Variants in ZNF580 observed in about 807,000 individuals in gnomAD.
ZNF580 encodes zinc finger protein 580.
A neutral mutation model predicts 1.3 loss-of-function variants in ZNF580; 1 was observed. That is an observed-to-expected ratio of 0.77 (90% CI 0.27 to 3.65). The LOEUF (loss-of-function observed/expected upper bound fraction) is 3.65, where lower values mean the gene tolerates loss of function less well. ZNF580 is among the 30% of genes most tolerant of loss of function. The pLI is 0.19. For missense variants in ZNF580, 268 were observed against 272.3 expected (o/e 0.98, Z 0.11); for synonymous variants, 135 against 128.8 (o/e 1.05, Z -0.32).
rs2123632001 is a variant in ZNF580, at chr19:55,642,997, G to A, written c.489G>A (p.Ala163=). ...GCCCACGCCGCTTCCAGGACGCCGCGGAGCTGGCGCAGCACGTGCGCCTCC... is the reference window on the plus strand; with the variant it reads ...GCCCACGCCGCTTCCAGGACGCCGCAGAGCTGGCGCAGCACGTGCGCCTCC... ...PLCPRRFQDA[A]ELAQHVRLH is the part of the protein sequence containing the mutation. The change falls in exon 2 of 2, where the codon GCG becomes GCA. Residue 163 remains alanine, a synonymous_variant. Coordinates refer to ENST00000325333, the MANE Select transcript of ZNF580 (RefSeq NM_207115.2). The A allele has an allele frequency of 7.3e-7, 1 of 1,369,592 alleles. No homozygotes were observed. The highest frequency in any genetic ancestry group is 9.4e-7 in the Non-Finnish European group (1 of 1,061,524). 84.8% of individuals were successfully genotyped at this position (1,369,592 alleles called of 1,614,324 possible).
chr19:55,642,443 C>T, intron 1 of ZNF580, 54 bp from the exon 2 acceptor site: 1 of 1,395,672 alleles, frequency 7.2e-7, no homozygotes, highest in Non-Finnish European at 9.3e-7. Flanking sequence ...TTTTAGGAAA[C>T]TTTTCCTAAA....
intron 1 of ZNF580, 64 bp downstream of exon 1, chr19:55,641,247 G>A (rs1408756061): frequency 2.1e-6 from 2 of 961,930 alleles, no homozygotes; most frequent in Non-Finnish European, 2.5e-6. Context: ...AGGCAGGCTG[G>A]GGGAGTGCGC....
chr19:55,643,184 T>C lies in ZNF580; in HGVS notation c.*157T>C, dbSNP rs1982640623. On this transcript the variant is annotated 3_prime_UTR_variant, in exon 2 of 2. Transcript: ENST00000325333. ...CACCTTCCAAAGGGAGGAGCATCAT[T>C]CCTTCCTTACCCCCTTTCTAGCTGT... 1 of 1,194,790 alleles carries C rather than the reference T, an allele frequency of 8.4e-7. No individual in the cohort carries two copies. Among genetic ancestry groups the C allele is most frequent in the African/African-American group, 1.6e-5 (1 of 62,760 alleles). The allele number at this position is 1,194,790 out of a possible 1,614,324, so 74.0% of individuals were successfully genotyped here. A position where few individuals can be genotyped will look rare whatever the true frequency, so the allele number is the denominator to read the frequency against.
In ZNF580 at chr19:55,642,700, A is replaced by G; in HGVS notation, c.192A>G (p.Thr64=). ...LLIDANGVPY[T]YTVQLEEEPR... ...TCGACGCCAATGGGGTCCCCTACACATACACGGTGCAGCTGGAGGAGGAGC... is the reference window on the plus strand; with the variant it reads ...TCGACGCCAATGGGGTCCCCTACACGTACACGGTGCAGCTGGAGGAGGAGC... The change falls in exon 2 of 2, where the codon ACA becomes ACG. Residue 64 remains threonine, a synonymous_variant. Transcript: ENST00000325333. 3 of 1,486,412 alleles carry G rather than the reference A, an allele frequency of 2.0e-6. No individual in the cohort carries two copies. Among genetic ancestry groups the G allele is most frequent in the Admixed American group, 2.4e-5 (1 of 41,914 alleles). The allele number at this position is 1,486,412 out of a possible 1,614,324, so 92.1% of individuals were successfully genotyped here. A position where few individuals can be genotyped will look rare whatever the true frequency, so the allele number is the denominator to read the frequency against.
In ZNF580 at chr19:55,643,317, A is replaced by C. The variant is rs112535155; in HGVS notation, c.*290A>C. 5.1e-6 allele frequency: 2 copies of C among 388,724 alleles called. No individual in the cohort carries two copies. The highest frequency in any genetic ancestry group is 2.1e-5 in the African/African-American group (1 of 47,890). 24.1% of individuals were successfully genotyped at this position (388,724 alleles called of 1,614,324 possible). The stretch of plus-strand genomic sequence containing the variant: ...CCTGTGCAAGTGACATGACCTCTCT[A>C]AACCTTGGTTTTCTGCTCTCTGGAG... On this transcript the variant is annotated 3_prime_UTR_variant, in exon 2 of 2. Coordinates refer to ENST00000325333, the MANE Select transcript of ZNF580 (RefSeq NM_207115.2).
chr19:55,641,349 A>T (rs1210968269), intron 1 of ZNF580, among the ~76,000 whole-genome samples, 166 bp downstream of exon 1: 1 of 151,960 alleles, frequency 6.6e-6, no homozygotes, highest in Non-Finnish European at 1.5e-5. Flanking sequence ...CTCCTTGGGG[A>T]AGTGAAGGCA....
Position 55,643,060 on chromosome 19 carries a change from C to A in ZNF580, c.*33C>A. ...ACCCGGCCTGTGCTGCCCTGCCCGT[C>A]TCAGGGCCACCAAGTCTGACCCACA... On this transcript the variant is annotated 3_prime_UTR_variant, in exon 2 of 2. Coordinates refer to ENST00000325333, the MANE Select transcript of ZNF580 (RefSeq NM_207115.2). 7.5e-7 allele frequency: 1 copy of A among 1,341,232 alleles called. No individual in the cohort carries two copies. The highest frequency in any genetic ancestry group is 9.6e-7 in the Non-Finnish European group (1 of 1,043,984). The allele number at this position is 1,341,232 out of a possible 1,614,324, so 83.1% of individuals were successfully genotyped here.
At position 55,642,346 on chromosome 19, in the gene ZNF580, G is replaced by A. The variant is rs914493249; in HGVS notation, c.-12-151G>A. ...CAGCTTGATGGAACGTGGGAGAGCC[G>A]GGCTGGAGTCACAGTTTTTATTTTG... is the stretch of plus-strand genomic sequence containing the variant. On this transcript the variant is annotated intron_variant, in intron 1 of 1. Transcript: ENST00000325333. 3 of 1,268,946 alleles carry A rather than the reference G, an allele frequency of 2.4e-6. No homozygotes were observed. In the Admixed American group the frequency reaches 1.3e-4, roughly 53 times the overall value. The allele number at this position is 1,268,946 out of a possible 1,614,324, so 78.6% of individuals were successfully genotyped here.
chr19:55,642,884 G>A lies in ZNF580; in HGVS notation c.376G>A (p.Gly126Ser). 6.4e-7 allele frequency: 1 copy of A among 1,563,618 alleles called. No individual in the cohort carries two copies. Among genetic ancestry groups the A allele is most frequent in the Non-Finnish European group, 8.6e-7 (1 of 1,163,276 alleles). The change falls in exon 2 of 2, where the codon GGC (glycine) becomes AGC (serine). Residue 126 changes from glycine (G) to serine (S), a missense_variant. Gly to Ser is a moderately conservative substitution (Grantham distance 56). This residue lies in a region of ZNF580 where 225 missense variants were observed against 201.7 expected (regional missense o/e 1.12). Coordinates refer to ENST00000325333, the MANE Select transcript of ZNF580 (RefSeq NM_207115.2). ...DLKPFTCGAC[G>S]KAFKRSSHLS... The stretch of plus-strand genomic sequence containing the variant: ...CAAGCCCTTCACGTGCGGCGCCTGC[G>A]GCAAGGCCTTCAAGCGCTCCAGCCA...
intron 1 of ZNF580, 38 bp downstream of exon 1, chr19:55,641,221 G>A: frequency 1.0e-6 from 1 of 980,996 alleles, no homozygotes; most frequent in Non-Finnish European, 1.2e-6. Flanking sequence ...CCTGGCCCTG[G>A]GACGACGCCG....
At chr19:55,642,460 T>A (rs1982567185) in intron 1 of ZNF580, 37 bp from the exon 2 acceptor site, 2 of 1,396,600 alleles carry the variant, frequency 1.4e-6, no homozygotes, top group South Asian at 1.8e-5. Flanking sequence ...TAAAAGGAAG[T>A]GGCAATTTTA....
At position 55,641,027 on chromosome 19, in the gene ZNF580, C is replaced by T. The variant is rs1433020250; in HGVS notation, c.-169C>T. The T allele has an allele frequency of 1.0e-6, 1 of 985,192 alleles. No individual in the cohort carries two copies. Among genetic ancestry groups the T allele is most frequent in the African/African-American group, 1.7e-5 (1 of 57,238 alleles). 61.0% of individuals were successfully genotyped at this position (985,192 alleles called of 1,614,324 possible). A position where few individuals can be genotyped will look rare whatever the true frequency, so the allele number is the denominator to read the frequency against. On this transcript the variant is annotated 5_prime_UTR_variant, in exon 1 of 2. Transcript: ENST00000325333. The stretch of plus-strand genomic sequence containing the variant: ...GCCTTTTCCCAGGGACTCCGCCAAC[C>T]CCTCGCACCCCCGCGCCCCCAGTCC...
rs1158486888 is a variant in ZNF580, at chr19:55,642,832, G to A, written c.324G>A (p.Gln108=). ...TCTTTGCCAGCCCTCTGCGGCTGCA[G>A]AGCCACCGCGTGTCGCACTCGGACC... ...ARVFASPLRL[Q]SHRVSHSDLK... The change falls in exon 2 of 2, where the codon CAG becomes CAA. Residue 108 remains glutamine, a synonymous_variant. Transcript: ENST00000325333. 5.1e-6 allele frequency: 8 copies of A among 1,574,670 alleles called. No individual in the cohort carries two copies. Among genetic ancestry groups the A allele is most frequent in the Non-Finnish European group, 6.0e-6 (7 of 1,168,788 alleles).
Position 55,642,996 on chromosome 19 carries a change from C to T in ZNF580, c.488C>T (p.Ala163Val). ...TGCCCACGCCGCTTCCAGGACGCCGCGGAGCTGGCGCAGCACGTGCGCCTC... is the reference window on the plus strand; with the variant it reads ...TGCCCACGCCGCTTCCAGGACGCCGTGGAGCTGGCGCAGCACGTGCGCCTC... The part of the protein sequence containing the change: ...PLCPRRFQDA[A>V]ELAQHVRLH The change falls in exon 2 of 2, where the codon GCG becomes GTG. Residue 163 changes from alanine to valine, a missense_variant. Coordinates refer to ENST00000325333, the MANE Select transcript of ZNF580 (RefSeq NM_207115.2). 1 of 1,369,276 alleles carries T rather than the reference C, an allele frequency of 7.3e-7. No individual in the cohort carries two copies. Among genetic ancestry groups the T allele is most frequent in the Non-Finnish European group, 9.4e-7 (1 of 1,061,326 alleles). The allele number at this position is 1,369,276 out of a possible 1,614,324, so 84.8% of individuals were successfully genotyped here.
At chr19:55,641,226 A>T (rs1982447089) in intron 1 of ZNF580, 43 bp downstream of exon 1, 1 of 968,322 alleles carries the variant, frequency 1.0e-6, no homozygotes, top group African/African-American at 1.8e-5. Context: ...CCCTGGGACG[A>T]CGCCGGGGCC....
At chr19:55,641,535 A>G (rs1273550054) in intron 1 of ZNF580, among the ~76,000 whole-genome samples, 1 of 152,102 alleles carries the variant, frequency 6.6e-6, no homozygotes, top group African/African-American at 2.4e-5. Flanking sequence ...CACGAGGAGA[A>G]AGAGAGATGC....
rs1200707902 is a variant in ZNF580 at position 55,642,758 on chromosome 19, G to A, written c.250G>A (p.Gly84Arg). The A allele has an allele frequency of 1.3e-6, 2 of 1,539,734 alleles. No individual in the cohort carries two copies. Among genetic ancestry groups the A allele is most frequent in the Non-Finnish European group, 8.7e-7 (1 of 1,148,346 alleles). Residue 84 changes from glycine (G) to arginine (R), a missense_variant, in exon 2 of 2, where the codon GGA becomes AGA. By Grantham distance (125) the Gly-to-Arg change is moderately radical. Transcript: ENST00000325333. ...CCCGCCCCAGCGCGAGGCGCCCCCA[G>A]GAGAGCCCGGCCCTCGCAAGGGCTA... is the stretch of plus-strand genomic sequence containing the variant. The part of the protein sequence containing the change: ...RGPPQREAPP[G>R]EPGPRKGYSC...
intron 1 of ZNF580, 186 bp from the exon 2 acceptor site, chr19:55,642,311 C>A (rs953312616): frequency 8.0e-7 from 1 of 1,256,970 alleles, no homozygotes; most frequent in Admixed American, 4.2e-5. Context: ...GTTGGAGGCC[C>A]TCTCCGAGGC....
chr19:55,641,891 G>A (rs1982513920), intron 1 of ZNF580: 1 of 225,060 alleles, frequency 4.4e-6, no homozygotes, highest in African/African-American at 2.3e-5. Context: ...TGAAATGTGG[G>A]GAATTGGGTT....
Sources: gnomAD v4.1 joint callset for allele counts (sites outside exome capture counted in the v4.1 genomes callset) on GRCh38, gnomAD v4.1.1 for gene constraint, gnomAD v4.1.1 regional missense constraint, MANE v1.5 for transcripts, NCBI Gene and HGNC (gene_info 2026-07-23, HGNC 2026-07-21) for gene names.